UVRAG: variants seen among roughly 807,000 people sequenced by gnomAD.
UVRAG encodes the protein UV radiation resistance associated.
Under a neutral mutation model 78.0 loss-of-function variants are expected in UVRAG, and 19 were observed. The ratio of observed to expected loss-of-function variants is 0.24; its 90% CI spans 0.17 to 0.36. The LOEUF (loss-of-function observed/expected upper bound fraction) is 0.36, where lower values mean the gene tolerates loss of function less well. Among genes scored for constraint, UVRAG ranks in the 10% least tolerant of loss-of-function variants. The pLI is 1.00. For synonymous variants in UVRAG, 323 were observed against 324.6 expected (o/e 1.00, Z 0.05); for missense variants, 740 against 853.8 (o/e 0.87, Z 1.66).
intron 5 of UVRAG, among the ~76,000 whole-genome samples, chr11:75,904,707 C>T (rs1372580607): frequency 6.6e-6 from 1 of 152,118 alleles, no homozygotes; most frequent in Non-Finnish European, 1.5e-5. Flanking sequence ...GTTTCCACAC[C>T]TTTAAAGTGG....
intron 12 of UVRAG, among the ~76,000 whole-genome samples, chr11:76,038,847 C>T: frequency 6.6e-6 from 1 of 152,300 alleles, no homozygotes; most frequent in East Asian, 1.9e-4. Context: ...TGGCTGACAG[C>T]TAGCAAGGAA....
intron 14 of UVRAG, among the ~76,000 whole-genome samples, chr11:76,130,234 T>C (rs1184038181): frequency 6.6e-6 from 1 of 152,224 alleles, no homozygotes; most frequent in Non-Finnish European, 1.5e-5. Flanking sequence ...AGATCTCTGC[T>C]ACAAGCTCTT....
intron 12 of UVRAG, among the ~76,000 whole-genome samples, chr11:76,060,218 A>G (rs946115297): frequency 2.0e-5 from 3 of 152,304 alleles, no homozygotes; most frequent in South Asian, 4.1e-4. Context: ...GTGAATTAGT[A>G]AAAAAGAAAA....
At chr11:75,844,701 C>A (rs552329597) in intron 1 of UVRAG, among the ~76,000 whole-genome samples, 2 of 151,286 alleles carry the variant, frequency 1.3e-5, no homozygotes, top group South Asian at 4.2e-4. Flanking sequence ...GAGACAAGGC[C>A]TCACTGTGTT....
chr11:76,014,185 G>A (rs1251993242), intron 11 of UVRAG, among the ~76,000 whole-genome samples: 1 of 152,214 alleles, frequency 6.6e-6, no homozygotes, highest in Non-Finnish European at 1.5e-5. Flanking sequence ...AGATGTGGAT[G>A]TAGTCTCAAA....
intron 13 of UVRAG, among the ~76,000 whole-genome samples, chr11:76,076,791 T>A (rs910158491): frequency 6.6e-6 from 1 of 150,790 alleles, no homozygotes; most frequent in African/African-American, 2.5e-5. Context: ...TGACCATTTT[T>A]AAATTAGGTT....
intron 1 of UVRAG, among the ~76,000 whole-genome samples, chr11:75,840,029 G>T (rs1388297806): frequency 6.6e-6 from 1 of 151,864 alleles, no homozygotes; most frequent in Non-Finnish European, 1.5e-5. Context: ...CAAATCACAG[G>T]CATGCTATTA....
chr11:76,116,341 T>C (rs143390833), intron 14 of UVRAG, among the ~76,000 whole-genome samples: 1 of 152,190 alleles, frequency 6.6e-6, no homozygotes, highest in African/African-American at 2.4e-5. Context: ...CCAGAGCCCC[T>C]TGGACCTTTC....
chr11:76,043,726 T>A (rs1289701330), intron 12 of UVRAG, among the ~76,000 whole-genome samples: 7 of 152,230 alleles, frequency 4.6e-5, no homozygotes, highest in Non-Finnish European at 1.0e-4. Flanking sequence ...CAAGTTTGTA[T>A]TATTTCTTGA....
chr11:75,942,049 GC>G (rs1162836519), intron 6 of UVRAG: 3 of 152,118 alleles, frequency 2.0e-5, no homozygotes, highest in Non-Finnish European at 4.4e-5. Flanking sequence ...GAGATGGGGT[GC>G]CAGTTATAAT....
chr11:76,022,887 T>C (rs1950270756), intron 12 of UVRAG, among the ~76,000 whole-genome samples: 1 of 152,178 alleles, frequency 6.6e-6, no homozygotes, highest in Non-Finnish European at 1.5e-5. Context: ...TTTTTTGAGG[T>C]GTACCCTTTT....
chr11:76,136,906 T>A (rs1050661092), intron 14 of UVRAG, among the ~76,000 whole-genome samples: 1 of 152,258 alleles, frequency 6.6e-6, no homozygotes, highest in African/African-American at 2.4e-5. Flanking sequence ...TGTGAGTTTT[T>A]ATTTTTTTAT....
chr11:75,986,608 C>T (rs918203285), intron 8 of UVRAG, among the ~76,000 whole-genome samples: 5 of 152,020 alleles, frequency 3.3e-5, no homozygotes, highest in Non-Finnish European at 7.4e-5. Flanking sequence ...ATTAAAAAAT[C>T]GGATTATTGA....
chr11:75,939,325 A>G (rs1948437927), intron 6 of UVRAG, among the ~76,000 whole-genome samples: 1 of 152,174 alleles, frequency 6.6e-6, no homozygotes, highest in Non-Finnish European at 1.5e-5. Flanking sequence ...AACTTGAACC[A>G]ATCTTATGGG....
rs1158024838 is a variant in UVRAG at position 76,140,895 on chromosome 11, G to T, written c.1582G>T (p.Ala528Ser). 6.2e-7 allele frequency: 1 copy of T among 1,614,050 alleles called. No individual in the cohort carries two copies. The highest frequency in any genetic ancestry group is 8.5e-7 in the Non-Finnish European group (1 of 1,180,016). Residue 528 changes from alanine (A) to serine (S), a missense_variant, in exon 15 of 15, where the codon GCC (alanine) becomes TCC (serine). By Grantham distance (99) the Ala-to-Ser change is moderately conservative. Transcript: ENST00000356136. ...TCCTCCCAGTTACAACTCAGCATTAGCCCAGCCTGTGACCACCGTCCCCTC... is the reference window on the plus strand; with the variant it reads ...TCCTCCCAGTTACAACTCAGCATTATCCCAGCCTGTGACCACCGTCCCCTC... ...TPPPSYNSAL[A>S]QPVTTVPSMG... is the part of the protein sequence containing the mutation.
chr11:75,930,931 C>CTTTCTTTCTTTA (rs1948220857), intron 6 of UVRAG: 1 of 118,776 alleles, frequency 8.4e-6, no homozygotes, highest in Non-Finnish European at 1.7e-5. Context: ...TCGGGATTTT[C>CTTTCTTTCTTTA]TTTCTTTCTT....
chr11:75,882,831 C>T (rs1946981896), intron 4 of UVRAG, among the ~76,000 whole-genome samples: 1 of 152,158 alleles, frequency 6.6e-6, no homozygotes, highest in Non-Finnish European at 1.5e-5. Context: ...GTGACCAGAA[C>T]AGTGCATATA....
At chr11:75,919,778 G>C (rs1947934349) in intron 6 of UVRAG, among the ~76,000 whole-genome samples, 1 of 152,144 alleles carries the variant, frequency 6.6e-6, no homozygotes, top group East Asian at 1.9e-4. Context: ...TGAGGAAGCA[G>C]TCTTAAAATG....
chr11:76,006,504 A>C (rs1949942429), intron 9 of UVRAG, among the ~76,000 whole-genome samples: 1 of 151,866 alleles, frequency 6.6e-6, no homozygotes, highest in African/African-American at 2.4e-5. Context: ...TACAAAAAAT[A>C]CAAAAATTAG....
Sources: allele counts gnomAD v4.1 joint callset (sites outside exome capture counted in the v4.1 genomes callset), GRCh38; gene constraint gnomAD v4.1.1; transcripts MANE v1.5; gene names NCBI Gene and HGNC (gene_info 2026-07-23, HGNC 2026-07-21).